The following NRG1 variants were observed in gnomAD, a reference collection of about 807,000 sequenced individuals.
The protein encoded by NRG1 is pro-neuregulin-1, membrane-bound isoform.
A neutral mutation model predicts 63.8 loss-of-function variants in NRG1; 18 were observed. That is an observed-to-expected ratio of 0.28 (90% confidence interval 0.19 to 0.42). The LOEUF is 0.42. Ranked by LOEUF, NRG1 falls within the 10% of genes least tolerant of loss-of-function variation. The pLI is 1.00. For synonymous variants in NRG1, 302 were observed against 301.3 expected (o/e 1.00, Z -0.02); for missense variants, 762 against 814.7 (o/e 0.94, Z 0.79).
intron 1 of NRG1, among the ~76,000 whole-genome samples, chr8:32,480,507 A>C (rs1825125622): frequency 6.6e-6 from 1 of 152,150 alleles, no homozygotes; most frequent in Non-Finnish European, 1.5e-5. Context: ...AACAAAAAAA[A>C]CGAGGCAAGG....
intron 1 of NRG1, among the ~76,000 whole-genome samples, chr8:32,065,134 G>GA (rs760234792): frequency 0.031 from 4,434 of 145,250 alleles, 178 homozygotes; most frequent in African/African-American, 0.1. Flanking sequence ...GATTCCTACA[G>GA]AAAAAAAAAA....
chr8:32,579,829 G>C (rs1840327832), intron 1 of NRG1, among the ~76,000 whole-genome samples: 1 of 152,160 alleles, frequency 6.6e-6, no homozygotes, highest in East Asian at 1.9e-4. Flanking sequence ...ATTCTGTGAG[G>C]AGTGTCACTG....
At chr8:31,665,043 G>A (rs1469108343) in intron 1 of NRG1, among the ~76,000 whole-genome samples, 1 of 152,202 alleles carries the variant, frequency 6.6e-6, no homozygotes, top group Non-Finnish European at 1.5e-5. Flanking sequence ...ATAAGCTTTT[G>A]TTGACGGGGA....
intron 1 of NRG1, among the ~76,000 whole-genome samples, chr8:32,290,924 T>C (rs1854121620): frequency 6.6e-6 from 1 of 152,078 alleles, no homozygotes; most frequent in Non-Finnish European, 1.5e-5. Flanking sequence ...TGTGTGTGTG[T>C]GTGCATGCAT....
At chr8:32,637,577 T>C (rs919216195) in intron 5 of NRG1, among the ~76,000 whole-genome samples, 4 of 152,188 alleles carry the variant, frequency 2.6e-5, no homozygotes, top group African/African-American at 9.7e-5. Context: ...TGGTACAGTT[T>C]GTGTTTGAGC....
intron 1 of NRG1, among the ~76,000 whole-genome samples, chr8:32,000,227 A>G (rs1481375369): frequency 6.6e-6 from 1 of 152,016 alleles, no homozygotes; most frequent in African/African-American, 2.4e-5. Context: ...TATTCAGAGC[A>G]AGCATTTTAG....
At position 31,665,192 on chromosome 8, in the gene NRG1, A is replaced by G. The variant is rs565106390; in HGVS notation, c.37+25761A>G. On this transcript the variant is annotated intron_variant, in intron 1 of 10. Transcript: ENST00000519301. The stretch of plus-strand genomic sequence containing the variant: ...AAAAACCCTATCACTCCCATTTTAG[A>G]GTAAGGAAGCATAGGCTCAGAAAGT... Among the ~76,000 whole-genome samples, 5 of 152,318 alleles carry G rather than the reference A, an allele frequency of 3.3e-5. No homozygotes were observed. In the South Asian group the frequency reaches 1.0e-3, roughly 32 times the overall value.
At chr8:32,681,684 T>C (rs1808678041) in intron 5 of NRG1, among the ~76,000 whole-genome samples, 1 of 152,154 alleles carries the variant, frequency 6.6e-6, no homozygotes, top group East Asian at 1.9e-4. Context: ...TTCATAATAA[T>C]TAACTCTTGG....
chr8:32,286,716 T>C (rs1475661676), intron 1 of NRG1, among the ~76,000 whole-genome samples: 1 of 152,164 alleles, frequency 6.6e-6, no homozygotes, highest in Non-Finnish European at 1.5e-5. Flanking sequence ...AGAAGTTTCC[T>C]GGCCGGGCAC....
intron 1 of NRG1, among the ~76,000 whole-genome samples, chr8:31,935,851 A>T (rs1295989501): frequency 6.6e-6 from 1 of 152,180 alleles, no homozygotes; most frequent in Non-Finnish European, 1.5e-5. Context: ...GTAAGGCTCC[A>T]TGAGAGGCTT....
chr8:32,407,812 T>C (rs1814304377), intron 1 of NRG1, among the ~76,000 whole-genome samples: 1 of 152,148 alleles, frequency 6.6e-6, no homozygotes. Context: ...CACTATGATT[T>C]TTTAAAATCA....
chr8:32,207,420 T>C (rs1490267389), intron 1 of NRG1, among the ~76,000 whole-genome samples: 1 of 152,146 alleles, frequency 6.6e-6, no homozygotes, highest in Non-Finnish European at 1.5e-5. Flanking sequence ...TTGCTTGATA[T>C]ATCTTTTGTT....
At chr8:31,852,571 C>A (rs1310903273) in intron 1 of NRG1, among the ~76,000 whole-genome samples, 1 of 151,352 alleles carries the variant, frequency 6.6e-6, no homozygotes, top group Non-Finnish European at 1.5e-5. Flanking sequence ...CCTGTTCACT[C>A]TGATGGTAGT....
chr8:31,761,329 C>G (rs1043773341), intron 1 of NRG1, among the ~76,000 whole-genome samples: 2 of 152,016 alleles, frequency 1.3e-5, no homozygotes. Flanking sequence ...GGAGGGATAG[C>G]ATTAGGAGAT....
intron 1 of NRG1, among the ~76,000 whole-genome samples, chr8:32,231,468 A>G (rs1319751356): frequency 6.6e-6 from 1 of 152,216 alleles, no homozygotes; most frequent in Non-Finnish European, 1.5e-5. Context: ...AAAAAGGGAA[A>G]TTGAATGTGA....
intron 1 of NRG1, among the ~76,000 whole-genome samples, chr8:31,906,940 G>T (rs547495010): frequency 1.3e-5 from 2 of 152,084 alleles, no homozygotes; most frequent in Non-Finnish European, 2.9e-5. Flanking sequence ...AGCAAAAAAT[G>T]TACAGGAAAA....
At chr8:31,806,115 A>C (rs924829666) in intron 1 of NRG1, among the ~76,000 whole-genome samples, 1 of 152,158 alleles carries the variant, frequency 6.6e-6, no homozygotes, top group Non-Finnish European at 1.5e-5. Flanking sequence ...AACCTGCCAT[A>C]ATTTATATTC....
At chr8:32,437,243 G>A (rs747228616) in intron 1 of NRG1, among the ~76,000 whole-genome samples, 5 of 151,898 alleles carry the variant, frequency 3.3e-5, no homozygotes, top group East Asian at 1.9e-4. Flanking sequence ...CTCCATTCCC[G>A]CAGCTTCCCC....
At chr8:32,581,214 C>G (rs1176538932) in intron 1 of NRG1, among the ~76,000 whole-genome samples, 4 of 152,140 alleles carry the variant, frequency 2.6e-5, no homozygotes, top group Admixed American at 6.5e-5. Flanking sequence ...TCAATGGGTA[C>G]TGACAAATTC....
Sources: gnomAD v4.1 joint callset for allele counts (sites outside exome capture counted in the v4.1 genomes callset) on GRCh38, gnomAD v4.1.1 for gene constraint, MANE v1.5 for transcripts, NCBI Gene and HGNC (gene_info 2026-07-23, HGNC 2026-07-21) for gene names.